Variants in FHIT observed in about 807,000 individuals in gnomAD.
FHIT encodes the protein fragile histidine triad diadenosine triphosphatase, also known as bis(5'-adenosyl)-triphosphatase.
In FHIT, 19 loss-of-function variants were observed where a neutral mutation model predicts 17.9. The ratio of observed to expected loss-of-function variants is 1.06; its 90% confidence interval spans 0.74 to 1.56. FHIT has a LOEUF of 1.56. FHIT is among the 40% of genes most tolerant of loss of function. The pLI, the probability that FHIT is intolerant of heterozygous loss-of-function variation, is 0.00. For synonymous variants in FHIT, 81 were observed against 69.7 expected, an observed-to-expected ratio of 1.16 and a Z score of -0.81; for missense variants, 248 against 189.2, an observed-to-expected ratio of 1.31 and a Z score of -1.82.
At chr3:60,579,558 T>C (rs2037686502) in intron 4 of FHIT, among the ~76,000 whole-genome samples, 1 of 152,160 alleles carries the variant, frequency 6.6e-6, no homozygotes, top group African/African-American at 2.4e-5. Flanking sequence ...ATGGTTAAAA[T>C]AACACTATGT....
intron 3 of FHIT, among the ~76,000 whole-genome samples, chr3:61,021,099 C>T (rs567678093): frequency 5.1e-4 from 77 of 152,138 alleles, no homozygotes; most frequent in African/African-American, 1.7e-3. Context: ...CTTTAACACC[C>T]CACTGTCAAT....
chr3:59,921,399 A>C (rs537972647), intron 8 of FHIT, among the ~76,000 whole-genome samples: 1 of 152,356 alleles, frequency 6.6e-6, no homozygotes, highest in Admixed American at 6.5e-5. Context: ...AACAATCGAG[A>C]TAAACAATGT....
intron 5 of FHIT, among the ~76,000 whole-genome samples, chr3:60,181,480 A>G (rs1701934156): frequency 6.6e-6 from 1 of 152,180 alleles, no homozygotes; most frequent in Admixed American, 6.5e-5. Flanking sequence ...TACAGATGGG[A>G]ACATCTAGGT....
At chr3:61,050,632 G>C (rs2033989565) in intron 2 of FHIT, among the ~76,000 whole-genome samples, 1 of 152,198 alleles carries the variant, frequency 6.6e-6, no homozygotes, top group African/African-American at 2.4e-5. Context: ...ATGCGCTCAA[G>C]CAAAAGAAAA....
intron 5 of FHIT, among the ~76,000 whole-genome samples, chr3:60,222,214 G>T (rs914466259): frequency 2.0e-5 from 3 of 151,702 alleles, no homozygotes; most frequent in African/African-American, 4.8e-5. Context: ...ATTTATTCAT[G>T]CATTCATTCA....
rs191737113 is a variant in FHIT at position 60,113,902 on chromosome 3, T to A, written c.104-99750A>T. On this transcript the variant is annotated intron_variant, in intron 5 of 9. Transcript: ENST00000492590. ...CTGTAGTCCCAGCTACTGGGGTGGC[T>A]GAGGCAGGAGAATGGCGTGAACCCG... 7.8e-3 allele frequency among the ~76,000 whole-genome samples: 1,097 copies of A among 140,918 alleles called. 21 individuals are homozygous for A. Among genetic ancestry groups the A allele is most frequent in the African/African-American group, 0.028 (1,039 of 37,120 alleles). 92.4% of individuals were successfully genotyped at this position (140,918 alleles called of 152,430 possible).
rs1217980455 is a variant in FHIT at position 59,752,240 on chromosome 3, C to A, written c.430G>T (p.Val144Phe). The A allele has an allele frequency of 1.2e-6, 2 of 1,612,660 alleles. No homozygotes were observed. The highest frequency in any genetic ancestry group is 1.1e-5 in the South Asian group (1 of 90,990). ...EMAAEAAALR[V>F]YFQ ...CTTTACCTGTGTCACTGAAAGTAGA[C>A]CCGCAGAGCTGCGGCTTCTGCTGCC... is the stretch of plus-strand genomic sequence containing the variant. Residue 144 changes from valine to phenylalanine, a missense_variant, in exon 9 of 10, where the codon GTC becomes TTC. Physicochemically the swap from Val to Phe is conservative, Grantham distance 50. Transcript: ENST00000492590.
chr3:60,038,697 T>C (rs1445249342), intron 5 of FHIT, among the ~76,000 whole-genome samples: 1 of 84,618 alleles, frequency 1.2e-5, no homozygotes, highest in Non-Finnish European at 2.8e-5. Context: ...TGCTCGCTAC[T>C]GATAAAAGAA....
intron 8 of FHIT, among the ~76,000 whole-genome samples, chr3:59,826,545 A>G (rs1393176390): frequency 6.6e-6 from 1 of 152,236 alleles, no homozygotes; most frequent in Non-Finnish European, 1.5e-5. Flanking sequence ...TTTGGTAAGT[A>G]TGTGTAAGGC....
intron 5 of FHIT, among the ~76,000 whole-genome samples, chr3:60,385,210 A>G (rs9814467): frequency 0.29 from 44,838 of 152,078 alleles, 6,729 homozygotes; most frequent in East Asian, 0.47. Flanking sequence ...AGATTAAAAA[A>G]TACAAGGCAG....
At chr3:61,221,905 C>T (rs1215563969) in intron 1 of FHIT, among the ~76,000 whole-genome samples, 3 of 152,230 alleles carry the variant, frequency 2.0e-5, no homozygotes, top group Non-Finnish European at 4.4e-5. Context: ...AAACATTCCA[C>T]CTCCACCACG....
intron 8 of FHIT, among the ~76,000 whole-genome samples, chr3:59,830,086 A>G (rs1334172139): frequency 2.6e-5 from 4 of 152,104 alleles, no homozygotes; most frequent in African/African-American, 9.7e-5. Flanking sequence ...ACAAAGCAAA[A>G]CAAAACAACC....
At chr3:60,105,570 C>T (rs1704373589) in intron 5 of FHIT, among the ~76,000 whole-genome samples, 1 of 152,132 alleles carries the variant, frequency 6.6e-6, no homozygotes, top group Non-Finnish European at 1.5e-5. Flanking sequence ...TATTGCAACA[C>T]CAAAGCTGTG....
At chr3:60,536,612 G>C in intron 5 of FHIT, 1 of 380,612 alleles carries the variant, frequency 2.6e-6, no homozygotes. Flanking sequence ...CACCTCCAAA[G>C]CCACGGTTGC....
chr3:60,624,314 G>C (rs997983681), intron 4 of FHIT, among the ~76,000 whole-genome samples: 1 of 152,200 alleles, frequency 6.6e-6, no homozygotes, highest in South Asian at 2.1e-4. Context: ...GCTTCAACTT[G>C]ACAATGATGA....
rs184820211 is a variant in FHIT at position 60,093,505 on chromosome 3, A to G, written c.104-79353T>C. Among the ~76,000 whole-genome samples the G allele has an allele frequency of 6.5e-4, 99 of 152,240 alleles. 1 individual carries two copies. Among genetic ancestry groups the G allele is most frequent in the Admixed American group, 1.0e-3 (16 of 15,300 alleles). On this transcript the variant is annotated intron_variant, in intron 5 of 9. Transcript: ENST00000492590. ...CTGCAACCTTAATTCCCCACTGCATATAAGGTAACACAGCCACAGTTTCTG... is the reference window on the plus strand; with the variant it reads ...CTGCAACCTTAATTCCCCACTGCATGTAAGGTAACACAGCCACAGTTTCTG...
intron 5 of FHIT, among the ~76,000 whole-genome samples, chr3:60,259,689 T>C (rs1706195338): frequency 6.6e-6 from 1 of 152,078 alleles, no homozygotes; most frequent in Non-Finnish European, 1.5e-5. Flanking sequence ...GAGAGGTTAA[T>C]TAACTTGCCC....
intron 7 of FHIT, among the ~76,000 whole-genome samples, chr3:59,965,396 T>C (rs1198965455): frequency 6.6e-6 from 1 of 152,204 alleles, no homozygotes; most frequent in Non-Finnish European, 1.5e-5. Flanking sequence ...ATCTTCTTGC[T>C]TGCTTTCTAC....
At chr3:60,829,899 T>A (rs1479976725) in intron 3 of FHIT, among the ~76,000 whole-genome samples, 1 of 145,072 alleles carries the variant, frequency 6.9e-6, no homozygotes, top group Admixed American at 6.9e-5. Context: ...GTAAAAGGAT[T>A]TTACATCTAT....
Sources: allele counts gnomAD v4.1 joint callset (sites outside exome capture counted in the v4.1 genomes callset), GRCh38; gene constraint gnomAD v4.1.1; transcripts MANE v1.5; gene names NCBI Gene and HGNC (gene_info 2026-07-23, HGNC 2026-07-21).